CTDSPL: variants seen among roughly 807,000 people sequenced by gnomAD.
The protein encoded by CTDSPL is CTD small phosphatase like.
Under a neutral mutation model 30.5 loss-of-function variants are expected in CTDSPL, and 8 were observed. The ratio of observed to expected loss-of-function variants is 0.26; its 90% CI spans 0.15 to 0.47. The LOEUF is 0.47. Ranked by LOEUF, CTDSPL falls within the 20% of genes least tolerant of loss-of-function variation. The probability of loss-of-function intolerance (pLI) is 0.99; values close to 1 mark genes in which losing one functional copy is unlikely to be tolerated. For synonymous variants in CTDSPL, 110 were observed against 137.9 expected (o/e 0.80, Z 1.42); for missense variants, 248 against 366.1 (o/e 0.68, Z 2.63).
intron 1 of CTDSPL, among the ~76,000 whole-genome samples, chr3:37,879,676 C>A (rs1432025961): frequency 6.6e-6 from 1 of 152,208 alleles, no homozygotes; most frequent in African/African-American, 2.4e-5. Context: ...CTTCTCTTGA[C>A]ACCTTCCTGC....
intron 2 of CTDSPL, among the ~76,000 whole-genome samples, chr3:37,952,215 GGAGA>G (rs140183217): frequency 1.3e-5 from 2 of 151,636 alleles, no homozygotes; most frequent in Non-Finnish European, 2.9e-5. Flanking sequence ...AGGAATGAAA[GGAGA>G]GAGAGAGAGA....
intron 1 of CTDSPL, among the ~76,000 whole-genome samples, chr3:37,932,855 A>G (rs569017863): frequency 6.6e-6 from 1 of 152,318 alleles, no homozygotes; most frequent in African/African-American, 2.4e-5. Flanking sequence ...ACATGGACAT[A>G]AAGATTATGT....
At chr3:37,895,741 A>G (rs1698383522) in intron 1 of CTDSPL, among the ~76,000 whole-genome samples, 1 of 152,168 alleles carries the variant, frequency 6.6e-6, no homozygotes, top group Non-Finnish European at 1.5e-5. Flanking sequence ...AACCTAGTCT[A>G]TGGTAGAGGA....
intron 1 of CTDSPL, among the ~76,000 whole-genome samples, chr3:37,874,455 G>A (rs1348232457): frequency 6.6e-6 from 1 of 152,208 alleles, no homozygotes; most frequent in Non-Finnish European, 1.5e-5. Flanking sequence ...ACAAGGCCGG[G>A]CGCGGTGGCT....
chr3:37,872,775 A>G (rs1698090684), intron 1 of CTDSPL, among the ~76,000 whole-genome samples: 1 of 151,678 alleles, frequency 6.6e-6, no homozygotes, highest in Non-Finnish European at 1.5e-5. Flanking sequence ...GGGTTTCACC[A>G]CGTTGGCCAG....
At chr3:37,876,317 T>G (rs1025252435) in intron 1 of CTDSPL, among the ~76,000 whole-genome samples, 2 of 152,104 alleles carry the variant, frequency 1.3e-5, no homozygotes, top group African/African-American at 4.8e-5. Context: ...GTTAAAAAGT[T>G]TCAAGAGTTT....
intron 1 of CTDSPL, among the ~76,000 whole-genome samples, chr3:37,864,318 T>C (rs913640893): frequency 1.3e-5 from 2 of 152,180 alleles, no homozygotes; most frequent in African/African-American, 2.4e-5. Flanking sequence ...AAACAAAGAA[T>C]CAATCTATCC....
chr3:37,862,104 C>T lies in CTDSPL; in HGVS notation c.-96C>T, dbSNP rs1037215869. On this transcript the variant is annotated 5_prime_UTR_variant, in exon 1 of 8. Coordinates refer to ENST00000273179, the MANE Select transcript of CTDSPL (RefSeq NM_001008392.2). The surrounding 1 kb of genome is among the most constrained non-coding windows in gnomAD (Gnocchi z 4.3). Reference sequence around the variant, plus strand: ...GCGCCCAGGCAGCGGCTGCGAGCGCCCCCCCGCGCCGCGCCCCCGCGCCCC... The same window carrying T: ...GCGCCCAGGCAGCGGCTGCGAGCGCTCCCCCGCGCCGCGCCCCCGCGCCCC... 1 of 306,426 alleles carries T rather than the reference C, an allele frequency of 3.3e-6. No individual in the cohort carries two copies. The highest frequency in any genetic ancestry group is 1.3e-4 in the South Asian group (1 of 7,820). The allele number at this position is 306,426 out of a possible 1,614,324, so 19.0% of individuals were successfully genotyped here. A position where few individuals can be genotyped will look rare whatever the true frequency, so the allele number is the denominator to read the frequency against.
intron 3 of CTDSPL, among the ~76,000 whole-genome samples, chr3:37,964,032 TAAAAAAAAAAAAAAAAA>T (rs58061973): frequency 6.5e-4 from 15 of 22,990 alleles, no homozygotes; most frequent in South Asian, 1.8e-3. Flanking sequence ...TCTCAGTCAC[TAAAAAAAAAAAAAAAAA>T]AAAAAAAAAA....
chr3:37,898,789 A>G (rs1698417091), intron 1 of CTDSPL, among the ~76,000 whole-genome samples: 2 of 152,188 alleles, frequency 1.3e-5, no homozygotes, highest in South Asian at 4.1e-4. Context: ...ATTACAGATT[A>G]TGTAGGTCTA....
intron 1 of CTDSPL, among the ~76,000 whole-genome samples, chr3:37,868,938 A>G (rs1389322657): frequency 6.6e-6 from 1 of 152,100 alleles, no homozygotes. Context: ...TATATCTACA[A>G]ATATCTTCCT....
chr3:37,982,592 C>A lies in CTDSPL; in HGVS notation c.*1725C>A. ...AATGAAGCCAGCTGCCAATTACATCCTCCCAACAGCACTTTGGTCTGTGGA... is the reference window on the plus strand; with the variant it reads ...AATGAAGCCAGCTGCCAATTACATCATCCCAACAGCACTTTGGTCTGTGGA... On this transcript the variant is annotated 3_prime_UTR_variant, in exon 8 of 8. Coordinates refer to ENST00000273179, the MANE Select transcript of CTDSPL (RefSeq NM_001008392.2). 2 of 456,708 alleles carry A rather than the reference C, an allele frequency of 4.4e-6. No individual in the cohort carries two copies. Among genetic ancestry groups the A allele is most frequent in the Non-Finnish European group, 8.8e-6 (2 of 226,968 alleles). The allele number at this position is 456,708 out of a possible 1,614,324, so 28.3% of individuals were successfully genotyped here.
intron 1 of CTDSPL, among the ~76,000 whole-genome samples, chr3:37,884,043 T>C (rs995473186): frequency 6.6e-6 from 1 of 152,196 alleles, no homozygotes; most frequent in Admixed American, 6.5e-5. Flanking sequence ...TATACAACTT[T>C]TCTAGAAAAC....
At chr3:37,903,516 G>A (rs911721611) in intron 1 of CTDSPL, among the ~76,000 whole-genome samples, 2 of 152,170 alleles carry the variant, frequency 1.3e-5, no homozygotes, top group African/African-American at 2.4e-5. Flanking sequence ...ACCTGAGCAG[G>A]ACTGATGAAT....
At chr3:37,926,531 A>C (rs1050378390) in intron 1 of CTDSPL, among the ~76,000 whole-genome samples, 1 of 152,188 alleles carries the variant, frequency 6.6e-6, no homozygotes, top group African/African-American at 2.4e-5. Flanking sequence ...TTCAGTTGTG[A>C]ACCAGTTTTT....
At chr3:37,899,819 T>C (rs768949643) in intron 1 of CTDSPL, among the ~76,000 whole-genome samples, 1 of 152,234 alleles carries the variant, frequency 6.6e-6, no homozygotes, top group Non-Finnish European at 1.5e-5. Context: ...TCTGTAATTA[T>C]ACTTTTTGAA....
intron 1 of CTDSPL, among the ~76,000 whole-genome samples, chr3:37,942,107 C>T (rs1698985648): frequency 6.7e-6 from 1 of 150,204 alleles, no homozygotes; most frequent in African/African-American, 2.4e-5. Context: ...TTTCCTTCCC[C>T]ATGTCTATAT....
intron 6 of CTDSPL, 128 bp downstream of exon 6, chr3:37,971,627 C>T: frequency 1.3e-6 from 1 of 784,196 alleles, no homozygotes; most frequent in Non-Finnish European, 2.1e-6. Flanking sequence ...AGGTTCCCAC[C>T]CCAGATGGGA....
At chr3:37,905,898 G>A (rs573469442) in intron 1 of CTDSPL, among the ~76,000 whole-genome samples, 1 of 152,334 alleles carries the variant, frequency 6.6e-6, no homozygotes, top group East Asian at 1.9e-4. Flanking sequence ...TATAGGAGAA[G>A]ATACTCTCAA....
Sources: gnomAD v4.1 joint callset for allele counts (sites outside exome capture counted in the v4.1 genomes callset) on GRCh38, gnomAD v4.1.1 for gene constraint, Gnocchi (gnomAD v3.1) non-coding constraint, MANE v1.5 for transcripts, NCBI Gene and HGNC (gene_info 2026-07-23, HGNC 2026-07-21) for gene names.